DNAH2: variants seen among roughly 807,000 people sequenced by gnomAD.
DNAH2 encodes the protein dynein axonemal heavy chain 2.
DNAH2 carries 323 observed loss-of-function variants against 523.5 expected under a neutral mutation model. The observed-to-expected ratio is 0.62, with a 90% CI of 0.56 to 0.68. The LOEUF (loss-of-function observed/expected upper bound fraction) is 0.68. Ranked by LOEUF, DNAH2 falls within the 30% of genes least tolerant of loss-of-function variation. The pLI is 0.00. For synonymous variants in DNAH2, 2,093 were observed against 2,177.4 expected (o/e 0.96, Z 1.08); for missense variants, 4,907 against 5,701.5 (o/e 0.86, Z 4.49).
At chr17:7,745,254 C>A (rs2075482835) in intron 12 of DNAH2, among the ~76,000 whole-genome samples, 1 of 152,120 alleles carries the variant, frequency 6.6e-6, no homozygotes, top group Non-Finnish European at 1.5e-5. Flanking sequence ...CTCGGCCTCC[C>A]AAAGTGCTGG....
intron 28 of DNAH2, among the ~76,000 whole-genome samples, chr17:7,772,697 A>C (rs1303900159): frequency 5.9e-5 from 9 of 152,256 alleles, no homozygotes; most frequent in Admixed American, 5.9e-4. Flanking sequence ...GAGGAAACTA[A>C]CATTATTGAG....
At chr17:7,803,880 A>G (rs1024134463) in intron 58 of DNAH2, among the ~76,000 whole-genome samples, 5 of 151,944 alleles carry the variant, frequency 3.3e-5, no homozygotes, top group African/African-American at 1.2e-4. Flanking sequence ...TCCCATAGGG[A>G]AAAAAAACCA....
intron 48 of DNAH2, among the ~76,000 whole-genome samples, chr17:7,793,430 G>GCTTTTTCTTTCTTT (rs1403001507): frequency 7.3e-6 from 1 of 136,168 alleles, no homozygotes; most frequent in Admixed American, 7.3e-5. Flanking sequence ...TTGCCTGCTT[G>GCTTTTTCTTTCTTT]CTTTTTCTTT....
intron 44 of DNAH2, 35 bp downstream of exon 44, chr17:7,788,279 G>C (rs752190280): frequency 1.1e-5 from 17 of 1,530,940 alleles, no homozygotes; most frequent in Non-Finnish European, 1.5e-5. Context: ...GCAGGGGCAG[G>C]GGGTGCTCAC....
intron 12 of DNAH2, chr17:7,743,495 G>C: frequency 1.6e-6 from 1 of 634,132 alleles, no homozygotes; most frequent in Non-Finnish European, 2.8e-6. Context: ...GCAAAACCCA[G>C]TCTCTGCAAA....
At position 7,754,895 on chromosome 17, in the gene DNAH2, A is replaced by C; in HGVS notation, c.1905-2196A>C. 1.7e-6 allele frequency: 1 copy of C among 574,030 alleles called. No individual in the cohort carries two copies. The highest frequency in any genetic ancestry group is 3.1e-6 in the Non-Finnish European group (1 of 322,444). 35.6% of individuals were successfully genotyped at this position (574,030 alleles called of 1,614,324 possible). On this transcript the variant is annotated intron_variant, in intron 12 of 85. Transcript: ENST00000572933. The surrounding 1 kb of genome is among the most constrained non-coding windows in gnomAD (Gnocchi z 4.6). ...ACGTGAGGACAGAAGGACAGGTGCC[A>C]CCCACCCCGGGCTGCCGTCTGCATG... is the stretch of plus-strand genomic sequence containing the variant.
chr17:7,734,147 C>T (rs2075072535), intron 5 of DNAH2, 36 bp from the exon 6 acceptor site: 1 of 1,542,730 alleles, frequency 6.5e-7, no homozygotes. Context: ...AGAACTCATC[C>T]CCTCTGTCCA....
In DNAH2 at chr17:7,832,968, G is replaced by A; in HGVS notation, c.12978+40G>A. ...TGCTTGGGGCTCTGAGCAAAAGAGG[G>A]TACTGGAAATAATTGGACGAAAAGG... On this transcript the variant is annotated intron_variant, in intron 84 of 85. Coordinates refer to ENST00000572933, the MANE Select transcript of DNAH2 (RefSeq NM_020877.5). This position sits in a 1 kb window ranked among gnomAD's most constrained non-coding sequence, Gnocchi z 4.3. 1 of 1,614,002 alleles carries A rather than the reference G, an allele frequency of 6.2e-7. No individual in the cohort carries two copies. The highest frequency in any genetic ancestry group is 8.5e-7 in the Non-Finnish European group (1 of 1,179,920).
At position 7,831,301 on chromosome 17, in the gene DNAH2, C is replaced by T. The variant is rs752659145; in HGVS notation, c.12446C>T (p.Thr4149Ile). ...QITPTRAGGQ[T>I]REEKVLELAA... Reference sequence around the variant, plus strand: ...ACACCCACCAGGGCTGGAGGCCAGACCCGGGAAGAGAAGGTAAAAAGAGCC... The same window carrying T: ...ACACCCACCAGGGCTGGAGGCCAGATCCGGGAAGAGAAGGTAAAAAGAGCC... Residue 4149 changes from threonine (T) to isoleucine (I), a missense_variant, in exon 80 of 86, where the codon ACC (threonine) becomes ATC (isoleucine). Thr to Ile is a moderately conservative substitution (Grantham distance 89). This residue lies in a region of DNAH2 where 1,851 missense variants were observed against 2,139.4 expected (regional missense o/e 0.87). Coordinates refer to ENST00000572933, the MANE Select transcript of DNAH2 (RefSeq NM_020877.5). The surrounding 1 kb of genome is among the most constrained non-coding windows in gnomAD (Gnocchi z 4.2). The T allele has an allele frequency of 6.2e-7, 1 of 1,614,070 alleles. No individual in the cohort carries two copies. The highest frequency in any genetic ancestry group is 1.7e-5 in the Admixed American group (1 of 60,018).
rs201088267 is a variant in DNAH2, at chr17:7,739,872, C to T, written c.1310C>T (p.Thr437Met). ...GACATCTTTCATAAAAATCTGCACA[C>T]GCTGCGAGCCGTTCGCGGGGGTATC... ...IEDIFHKNLH[T>M]LRAVRGGILD... Residue 437 changes from threonine to methionine, a missense_variant, in exon 9 of 86, where the codon ACG (threonine) becomes ATG (methionine). Around this residue, in one of 3 missense-constraint regions of DNAH2, gnomAD observed 2,806 missense variants for 3,190.8 expected, o/e 0.88. Coordinates refer to ENST00000572933, the MANE Select transcript of DNAH2 (RefSeq NM_020877.5). The T allele has an allele frequency of 8.9e-5, 144 of 1,613,992 alleles. 1 individual carries two copies. The highest frequency in any genetic ancestry group is 6.6e-4 in the Middle Eastern group (4 of 6,058).
At chr17:7,764,737 C>T (rs901268575) in intron 20 of DNAH2, among the ~76,000 whole-genome samples, 2 of 146,850 alleles carry the variant, frequency 1.4e-5, no homozygotes, top group African/African-American at 5.1e-5. Flanking sequence ...GCTGGGATTA[C>T]AGGTGTGAGC....
chr17:7,823,347 CAGAGAG>C lies in DNAH2; in HGVS notation c.11143-76_11143-71del, dbSNP rs71389703. 7,263 of 789,880 alleles carry C rather than the reference CAGAGAG, an allele frequency of 9.2e-3. 23 individuals carry two copies. Among genetic ancestry groups the C allele is most frequent in the Non-Finnish European group, 0.012 (6,357 of 520,570 alleles). The allele number at this position is 789,880 out of a possible 1,614,324, so 48.9% of individuals were successfully genotyped here. A position where few individuals can be genotyped will look rare whatever the true frequency, so the allele number is the denominator to read the frequency against. On this transcript the variant is annotated intron_variant, in intron 73 of 85. Transcript: ENST00000572933. ...TTTCCCACCGAGAGAGAGAAAAATA[CAGAGAG>C]AGAGAGAGAGAGAGAGAGGAGAAAA...
intron 61 of DNAH2, 108 bp downstream of exon 61, chr17:7,805,501 T>C (rs2077345120): frequency 4.7e-6 from 7 of 1,504,280 alleles, no homozygotes; most frequent in Admixed American, 3.6e-5. Context: ...GCATTGTTCT[T>C]ACCCTCAAGA....
At chr17:7,781,390 T>C (rs1310472436) in intron 39 of DNAH2, among the ~76,000 whole-genome samples, 1 of 152,072 alleles carries the variant, frequency 6.6e-6, no homozygotes. Context: ...GGTAGGAGGA[T>C]TGCTTGAGCC....
At chr17:7,723,257 A>G (rs1245507780) in intron 2 of DNAH2, among the ~76,000 whole-genome samples, 17 of 131,320 alleles carry the variant, frequency 1.3e-4, no homozygotes, top group African/African-American at 4.7e-4. Context: ...GGTGTGAGCC[A>G]CTGTACCCGG....
chr17:7,771,942 T>C (rs9902382), intron 28 of DNAH2, among the ~76,000 whole-genome samples: 89,466 of 151,838 alleles, frequency 0.59, 26,687 homozygotes, highest in Admixed American at 0.68. Context: ...CCTTGAACTC[T>C]TGACCTCAGG....
intron 11 of DNAH2, among the ~76,000 whole-genome samples, chr17:7,741,293 T>TCTTTCTTTCTTTCTTTCTTCCTTC (rs1555540783): frequency 8.1e-5 from 5 of 61,592 alleles, no homozygotes; most frequent in Non-Finnish European, 1.5e-4. Flanking sequence ...TTTCTTTCTT[T>TCTTTCTTTCTTTCTTTCTTCCTTC]CTTCCTTCCT....
intron 8 of DNAH2, chr17:7,738,910 C>A (rs1194853327): frequency 7.1e-6 from 5 of 700,818 alleles, no homozygotes; most frequent in Non-Finnish European, 1.3e-5. Context: ...ATTCAGTCGG[C>A]CTTTCTCCTG....
intron 59 of DNAH2, 62 bp from the exon 60 acceptor site, chr17:7,804,896 C>A: frequency 7.2e-7 from 1 of 1,390,404 alleles, no homozygotes; most frequent in Non-Finnish European, 1.0e-6. Flanking sequence ...TCCACCAACA[C>A]CGTCACTCCC....
Sources: gnomAD v4.1 joint callset for allele counts (sites outside exome capture counted in the v4.1 genomes callset) on GRCh38, gnomAD v4.1.1 for gene constraint, gnomAD v4.1.1 regional missense constraint, Gnocchi (gnomAD v3.1) non-coding constraint, MANE v1.5 for transcripts, NCBI Gene and HGNC (gene_info 2026-07-23, HGNC 2026-07-21) for gene names.